Variants in BLTP1 observed in about 807,000 individuals in gnomAD.
BLTP1 encodes the protein bridge-like lipid transfer protein family member 1, also known as fragile site-associated protein.
At chr4:122,339,115 CTTAAG>C in the BLTP1 span, 5 of 1,394,736 alleles carry the variant, frequency 3.6e-6, no homozygotes, top group Non-Finnish European at 4.8e-6. Context: ...AAAAATGTTT[CTTAAG>C]TTTATTTGAA....
chr4:122,177,230 T>C, the BLTP1 span, among the ~76,000 whole-genome samples: 1 of 152,240 alleles, frequency 6.6e-6, no homozygotes, highest in Non-Finnish European at 1.5e-5. Context: ...CCAAAAATCT[T>C]GACTGCTGTC....
At chr4:122,213,400 CT>C in the BLTP1 span, among the ~76,000 whole-genome samples, 1 of 151,840 alleles carries the variant, frequency 6.6e-6, no homozygotes, top group Non-Finnish European at 1.5e-5. Flanking sequence ...TACCTTAAAA[CT>C]TTTTGGAAGT....
the BLTP1 span, chr4:122,331,686 A>G: frequency 7.1e-7 from 1 of 1,411,304 alleles, no homozygotes; most frequent in Admixed American, 3.1e-5. Context: ...TCAAGTGTAT[A>G]TTTCTTATAC....
the BLTP1 span, chr4:122,276,541 G>C: frequency 3.0e-6 from 3 of 984,832 alleles, no homozygotes; most frequent in South Asian, 4.7e-5. Context: ...GATGAATGCT[G>C]TTCACATCTA....
the BLTP1 span, chr4:122,208,575 T>C: frequency 1.0e-6 from 1 of 964,090 alleles, no homozygotes; most frequent in South Asian, 4.8e-5. Context: ...CTTATAAAAG[T>C]TTTTTTAAAA....
chr4:122,267,386 G>A, the BLTP1 span, among the ~76,000 whole-genome samples: 1 of 152,030 alleles, frequency 6.6e-6, no homozygotes, highest in Admixed American at 6.6e-5. Context: ...ATGTTAATCA[G>A]AAGATAATTA....
At chr4:122,230,065 T>C in the BLTP1 span, 4 of 1,614,202 alleles carry the variant, frequency 2.5e-6, no homozygotes, top group Non-Finnish European at 3.4e-6. Context: ...GACTTCAGCC[T>C]GCAGTGCTAC....
chr4:122,183,825 C>G, the BLTP1 span, among the ~76,000 whole-genome samples: 1 of 152,090 alleles, frequency 6.6e-6, no homozygotes, highest in East Asian at 1.9e-4. Context: ...TTTCCAACCT[C>G]ACTGTCCCCC....
At chr4:122,262,725 A>C in the BLTP1 span, 1 of 1,522,128 alleles carries the variant, frequency 6.6e-7, no homozygotes, top group Non-Finnish European at 8.8e-7. Flanking sequence ...TGTCATTTTT[A>C]TATACATAAG....
chr4:122,152,824 A>G, the BLTP1 span: 3 of 368,840 alleles, frequency 8.1e-6, no homozygotes, highest in African/African-American at 2.2e-5. Flanking sequence ...GGACTTTGAT[A>G]CAGGAGCAGT....
the BLTP1 span, chr4:122,350,267 A>G: frequency 3.0e-6 from 3 of 985,282 alleles, no homozygotes; most frequent in Non-Finnish European, 3.6e-6. Context: ...GGAAGACATC[A>G]TTTGTTATCT....
chr4:122,194,816 T>C, the BLTP1 span: 1 of 385,406 alleles, frequency 2.6e-6, no homozygotes, highest in Non-Finnish European at 3.5e-6. Flanking sequence ...GAAATTTGCT[T>C]TAACCACTCC....
chr4:122,240,492 T>C, the BLTP1 span: 24 of 693,060 alleles, frequency 3.5e-5, no homozygotes, highest in Non-Finnish European at 4.8e-6. Context: ...GCTTTATGTA[T>C]GATAGGTCAC....
chr4:122,249,005 T>C, the BLTP1 span: 3 of 940,156 alleles, frequency 3.2e-6, no homozygotes, highest in Non-Finnish European at 3.8e-6. Flanking sequence ...TTCCACAGTG[T>C]ATCTGTAAGC....
At chr4:122,247,076 A>T in the BLTP1 span, 1 of 1,442,436 alleles carries the variant, frequency 6.9e-7, no homozygotes. Flanking sequence ...TGTTTTTTTT[A>T]AAGGAAACCT....
the BLTP1 span, chr4:122,352,970 C>T: frequency 1.2e-6 from 2 of 1,614,002 alleles, no homozygotes; most frequent in Non-Finnish European, 1.7e-6. Flanking sequence ...TGCCACATAT[C>T]CTTATTTCAG....
At chr4:122,189,960 G>A in the BLTP1 span, 6 of 1,596,850 alleles carry the variant, frequency 3.8e-6, no homozygotes, top group African/African-American at 6.8e-5. Flanking sequence ...TTATATTCTG[G>A]AGATTTGTTT....
At chr4:122,224,548 A>C in the BLTP1 span, 3 of 1,613,972 alleles carry the variant, frequency 1.9e-6, no homozygotes, top group Admixed American at 1.7e-5. Context: ...TCAATTTGTC[A>C]GGTCTCCAGC....
the BLTP1 span, chr4:122,301,429 AT>A: frequency 7.4e-7 from 1 of 1,342,368 alleles, no homozygotes. Flanking sequence ...TTTTATAAAA[AT>A]TTTTCTAATC....
Sources: allele counts gnomAD v4.1 joint callset (sites outside exome capture counted in the v4.1 genomes callset), GRCh38; gene constraint gnomAD v4.1.1; transcripts MANE v1.5; gene names NCBI Gene and HGNC (gene_info 2026-07-23, HGNC 2026-07-21).